Variants in TTN observed in about 807,000 individuals in gnomAD.
The protein encoded by TTN is titin.
In TTN, 1,525 loss-of-function variants were observed where a neutral mutation model predicts 3,223.0. The observed-to-expected ratio is 0.47, with a 90% CI of 0.45 to 0.49. The LOEUF (loss-of-function observed/expected upper bound fraction) is 0.49, where lower values mean the gene tolerates loss of function less well. Among genes scored for constraint, TTN ranks in the 20% least tolerant of loss-of-function variants. TTN has a pLI of 0.00. For synonymous variants in TTN, 14,094 were observed against 15,161.0 expected (o/e 0.93, Z 5.17); for missense variants, 40,786 against 43,424.0 (o/e 0.94, Z 5.40).
At position 178,776,904 on chromosome 2, in the gene TTN, G is replaced by C. The variant is rs876658070; in HGVS notation, c.4960C>G (p.Pro1654Ala). The C allele has an allele frequency of 6.2e-7, 1 of 1,613,170 alleles. No individual in the cohort carries two copies. ...KVNVEVEFAE[P>A]EPERKLIIPR... ...ATGATTAACTTTCTCTCTGGCTCAGGCTCTGCAAACTCAACTTCAACATTT... is the reference window on the plus strand; with the variant it reads ...ATGATTAACTTTCTCTCTGGCTCAGCCTCTGCAAACTCAACTTCAACATTT... Residue 1654 changes from proline to alanine, a missense_variant, in exon 28 of 363, where the codon CCT becomes GCT. Physicochemically the swap from Pro to Ala is conservative, Grantham distance 27 (BLOSUM62 -1). Coordinates refer to ENST00000589042, the MANE Select transcript of TTN (RefSeq NM_001267550.2).
intron 52 of TTN, 124 bp downstream of exon 52, chr2:178,734,204 T>C: frequency 7.9e-7 from 1 of 1,259,550 alleles, no homozygotes; most frequent in Non-Finnish European, 1.1e-6. Context: ...AGGTCCCAGG[T>C]CAAACCAAGA....
At chr2:178,786,481 G>A (rs2093190817) in intron 13 of TTN, among the ~76,000 whole-genome samples, 1 of 152,162 alleles carries the variant, frequency 6.6e-6, no homozygotes, top group Non-Finnish European at 1.5e-5. Context: ...TGGAAAATCA[G>A]AATTTTGGAG....
chr2:178,635,213 GTC>G lies in TTN; in HGVS notation c.41974_41975del (p.Asp13992HisfsTer19). ...CTTTCAGTTTCCATTGTCCAGGAAT[GTC>G]TGCCTCTGAGATTTCTGCATCAAAG... ...ASFDAEISEA[D>X]IPGQWKLKGE... On this transcript the variant is annotated frameshift_variant, in exon 228 of 363. Transcript: ENST00000589042. LOFTEE classifies it high-confidence loss of function. The G allele has an allele frequency of 6.2e-7, 1 of 1,613,312 alleles. No individual in the cohort carries two copies. The highest frequency in any genetic ancestry group is 8.5e-7 in the Non-Finnish European group (1 of 1,179,500).
Position 178,768,849 on chromosome 2 carries a change from C to T in TTN, c.8987G>A (p.Gly2996Asp), listed in dbSNP as rs779053650. The change falls in exon 38 of 363, where the codon GGC becomes GAC. Residue 2996 changes from glycine to aspartate, a missense_variant. Transcript: ENST00000589042. ...ATTCTTTAACCATTTGTAAGAGATG[C>T]CTTCATAGTTCACTGTCACCTCAAA... ...ITFEVTVNYEGISYKWLKNGV... is the reference protein window; with the variant it reads ...ITFEVTVNYEDISYKWLKNGV... The T allele has an allele frequency of 6.2e-7, 1 of 1,614,056 alleles. No individual in the cohort carries two copies. The highest frequency in any genetic ancestry group is 1.1e-5 in the South Asian group (1 of 91,082).
At chr2:178,720,873 C>A in intron 79 of TTN, 48 bp downstream of exon 79, 1 of 1,519,206 alleles carries the variant, frequency 6.6e-7, no homozygotes, top group South Asian at 1.4e-5. Flanking sequence ...TTGCTAAGAG[C>A]CCAAATCAGA....
Position 178,549,365 on chromosome 2 carries a change from T to C in TTN, c.92261A>G (p.Tyr30754Cys). The change falls in exon 339 of 363, where the codon TAT (tyrosine) becomes TGT (cysteine). Residue 30754 changes from tyrosine to cysteine, a missense_variant. Physicochemically the swap from Tyr to Cys is radical, Grantham distance 194 (BLOSUM62 -2). Transcript: ENST00000589042. ...TTTCTTTTCTCTTCTTTCAAGGATA[T>C]ACTGTTGAATTTCACTGCCACCATC... is the stretch of plus-strand genomic sequence containing the variant. ...ESDGGSEIQQ[Y>C]ILERREKKST... The C allele has an allele frequency of 6.2e-7, 1 of 1,613,896 alleles. No individual in the cohort carries two copies.
At position 178,668,861 on chromosome 2, in the gene TTN, T is replaced by C. The variant is rs971637070; in HGVS notation, c.35545+512A>G. Among the ~76,000 whole-genome samples the C allele has an allele frequency of 7.0e-4, 107 of 152,020 alleles. 1 individual carries two copies. Among genetic ancestry groups the C allele is most frequent in the African/African-American group, 2.5e-3 (104 of 41,402 alleles). On this transcript the variant is annotated intron_variant, in intron 159 of 362. Coordinates refer to ENST00000589042, the MANE Select transcript of TTN (RefSeq NM_001267550.2). ...CATAATTCAAATTATTTAAACCTAA[T>C]TTTGTATGAAACCCCCCCCCAAAAA...
intron 212 of TTN, 77 bp downstream of exon 212, chr2:178,649,477 T>C: frequency 6.9e-7 from 1 of 1,446,792 alleles, no homozygotes; most frequent in Non-Finnish European, 9.3e-7. Context: ...GCAACAACAA[T>C]GAGGACAACT....
intron 47 of TTN, chr2:178,746,233 A>G: frequency 1.9e-6 from 3 of 1,612,834 alleles, no homozygotes; most frequent in Non-Finnish European, 2.5e-6. Flanking sequence ...CTGGAATTTT[A>G]AAATCACAAA....
rs753333359 is a variant in TTN, at chr2:178,605,552, G to A, written c.53743C>T (p.Arg17915Ter). ...AGAAAAGATGTGGTTGGGCAGAGTC[G>A]CTTGTTAACTCTTTCAAAGTCAGGT... The part of the protein sequence containing the change: ...DKPDFERVNK[R>*]LCPTTSFLVE... Residue 17915 changes from arginine to a stop codon, truncating the protein, a stop_gained, in exon 279 of 363, where the codon CGA becomes TGA. Coordinates refer to ENST00000589042, the MANE Select transcript of TTN (RefSeq NM_001267550.2). LOFTEE classifies it high-confidence loss of function. 3.7e-6 allele frequency: 6 copies of A among 1,612,314 alleles called. No individual in the cohort carries two copies. The highest frequency in any genetic ancestry group is 1.7e-5 in the Admixed American group (1 of 59,948).
intron 18 of TTN, 54 bp downstream of exon 18, chr2:178,782,752 G>A (rs2092891494): frequency 6.2e-7 from 1 of 1,611,588 alleles, no homozygotes; most frequent in Non-Finnish European, 8.5e-7. Flanking sequence ...GGAAAAGAGT[G>A]TCAGATGAAA....
At position 178,723,457 on chromosome 2, in the gene TTN, C is replaced by A. The variant is rs767445301; in HGVS notation, c.21643G>T (p.Ala7215Ser). 4 of 1,612,962 alleles carry A rather than the reference C, an allele frequency of 2.5e-6. No homozygotes were observed. The highest frequency in any genetic ancestry group is 3.4e-6 in the Non-Finnish European group (4 of 1,179,498). Residue 7215 changes from alanine (A) to serine (S), a missense_variant, in exon 74 of 363, where the codon GCT becomes TCT. Physicochemically the swap from Ala to Ser is moderately conservative, Grantham distance 99 (BLOSUM62 1). Transcript: ENST00000589042. ...CGGGTAGTGCAAGATGCTTGGCCAG[C>A]GTTGTTAGAAACCACACAGGTGTAT... Reference protein sequence around the residue: ...GEYTCVVSNNAGQASCTTRLF... With the variant: ...GEYTCVVSNNSGQASCTTRLF...
At position 178,781,169 on chromosome 2, in the gene TTN, G is replaced by T. The variant is rs797046063; in HGVS notation, c.3475C>A (p.Arg1159Ser). ...DDAGEYTIVVRNKHGETSASA... is the reference protein window; with the variant it reads ...DDAGEYTIVVSNKHGETSASA... ...GCAGAAGTTTCTCCATGCTTATTGC[G>T]AACAACAATAGTGTATTCTCCAGCA... The change falls in exon 21 of 363, where the codon CGC becomes AGC. Residue 1159 changes from arginine to serine, a missense_variant. Transcript: ENST00000589042. The T allele has an allele frequency of 6.8e-6, 11 of 1,613,840 alleles. No individual in the cohort carries two copies. In the South Asian group the frequency reaches 8.8e-5, roughly 13 times the overall value.
intron 136 of TTN, 58 bp downstream of exon 136, chr2:178,681,603 G>A: frequency 6.5e-7 from 1 of 1,530,830 alleles, no homozygotes; most frequent in Non-Finnish European, 8.9e-7. Flanking sequence ...TTTTATAGTA[G>A]GACAGACATG....
chr2:178,717,390 G>T lies in TTN; in HGVS notation c.25352-8C>A, dbSNP rs2154298969. The T allele has an allele frequency of 1.3e-6, 2 of 1,599,300 alleles. No homozygotes were observed. The highest frequency in any genetic ancestry group is 4.5e-5 in the East Asian group (2 of 44,626). On this transcript the variant is annotated splice_polypyrimidine_tract_variant and splice_region_variant and intron_variant, in intron 87 of 362. Transcript: ENST00000589042. ...AAGGAGGCACTTCATGCTCTGAAAA[G>T]AATGAAGACCAACATGGTGATTTTT... is the stretch of plus-strand genomic sequence containing the variant.
chr2:178,717,266 C>A lies in TTN; in HGVS notation c.25468G>T (p.Ala8490Ser). 3.1e-6 allele frequency: 5 copies of A among 1,613,662 alleles called. No homozygotes were observed. Among genetic ancestry groups the A allele is most frequent in the Middle Eastern group, 1.7e-4 (1 of 6,060 alleles). ...GGGCGAATCTCTCGGTTATCTTTGG[C>A]CCAAGTGATTTTGATTGGTGCAGTC... Reference protein sequence around the residue: ...TGTAPIKITWAKDNREIRPGG... With the variant: ...TGTAPIKITWSKDNREIRPGG... Residue 8490 changes from alanine to serine, a missense_variant, in exon 88 of 363, where the codon GCC (alanine) becomes TCC (serine). Physicochemically the swap from Ala to Ser is moderately conservative, Grantham distance 99 (BLOSUM62 1). Coordinates refer to ENST00000589042, the MANE Select transcript of TTN (RefSeq NM_001267550.2).
In TTN at chr2:178,566,812, G is replaced by A. The variant is rs1487593355; in HGVS notation, c.79320C>T (p.Arg26440=). ...GIRWIKCNKR[R]ITDLRLRVTG... is the part of the protein sequence containing the mutation. ...TCACTCTTAGACGCAAATCTGTAATGCGGCGTTTATTACATTTTATCCATC... is the reference window on the plus strand; with the variant it reads ...TCACTCTTAGACGCAAATCTGTAATACGGCGTTTATTACATTTTATCCATC... The change falls in exon 326 of 363, where the codon CGC becomes CGT. Residue 26440 remains arginine (R), a synonymous_variant. Coordinates refer to ENST00000589042, the MANE Select transcript of TTN (RefSeq NM_001267550.2). 3 of 1,613,234 alleles carry A rather than the reference G, an allele frequency of 1.9e-6. No individual in the cohort carries two copies. In the South Asian group the frequency reaches 3.3e-5, roughly 18 times the overall value.
At chr2:178,792,985 T>C (rs2093591428) in intron 9 of TTN, among the ~76,000 whole-genome samples, 1 of 152,218 alleles carries the variant, frequency 6.6e-6, no homozygotes, top group Non-Finnish European at 1.5e-5. Context: ...CATGTGCAAA[T>C]GTCTTCCGAA....
intron 259 of TTN, 33 bp from the exon 260 acceptor site, chr2:178,615,001 G>A: frequency 7.7e-6 from 12 of 1,551,100 alleles, no homozygotes; most frequent in Non-Finnish European, 1.1e-5. Flanking sequence ...GTTTTACTGT[G>A]ATGTCGATAA....
Sources: allele counts gnomAD v4.1 joint callset (sites outside exome capture counted in the v4.1 genomes callset), GRCh38; gene constraint gnomAD v4.1.1; transcripts MANE v1.5; gene names NCBI Gene and HGNC (gene_info 2026-07-23, HGNC 2026-07-21).